Variants in AGAP1 observed in about 807,000 individuals in gnomAD.
AGAP1 encodes arf-GAP with GTPase, ANK repeat and PH domain-containing protein 1.
In AGAP1, 29 loss-of-function variants were observed where a neutral mutation model predicts 105.3. The observed-to-expected ratio is 0.28, with a 90% CI of 0.21 to 0.38. AGAP1 has a LOEUF of 0.38. Among genes scored for constraint, AGAP1 ranks in the 10% least tolerant of loss-of-function variants. The pLI is 1.00. For synonymous variants in AGAP1, 509 were observed against 485.9 expected, an observed-to-expected ratio of 1.05 and a Z score of -0.63; for missense variants, 998 against 1,165.1, an observed-to-expected ratio of 0.86 and a Z score of 2.09.
rs2050362199 is a variant in AGAP1 at position 235,888,230 on chromosome 2, C to T, written c.1155+4781C>T. Among the ~76,000 whole-genome samples the T allele has an allele frequency of 6.6e-6, 1 of 152,076 alleles. No individual in the cohort carries two copies. Among genetic ancestry groups the T allele is most frequent in the Admixed American group, 6.6e-5 (1 of 15,266 alleles). On this transcript the variant is annotated intron_variant, in intron 10 of 17. Coordinates refer to ENST00000304032, the MANE Select transcript of AGAP1 (RefSeq NM_001037131.3). This position sits in a 1 kb window ranked among gnomAD's most constrained non-coding sequence, Gnocchi z 4.8. ...GGGGGAGCGGGTAGTTCAGGAGGAT[C>T]TCAGGATTATTTGTTCTTTAGGATC...
At chr2:235,571,107 A>T (rs1055597378) in intron 1 of AGAP1, among the ~76,000 whole-genome samples, 1 of 152,124 alleles carries the variant, frequency 6.6e-6, no homozygotes, top group African/African-American at 2.4e-5. Flanking sequence ...TGTGCCACAC[A>T]CTTGTAAACA....
intron 6 of AGAP1, among the ~76,000 whole-genome samples, chr2:235,771,485 C>T (rs913290371): frequency 5.9e-5 from 9 of 152,200 alleles, no homozygotes; most frequent in South Asian, 2.1e-4. Flanking sequence ...GCAAAGATGA[C>T]GGGCGTGGCT....
rs530256981 is a variant in AGAP1 at position 236,092,029 on chromosome 2, C to T, written c.2115-28163C>T. On this transcript the variant is annotated intron_variant, in intron 16 of 17. Transcript: ENST00000304032. This position sits in a 1 kb window ranked among gnomAD's most constrained non-coding sequence, Gnocchi z 4.7. ...AAAAAAAGCCTGTCCCAAAAGATTA[C>T]GTGCTGTAGGATTCCATTTATGTAT... 5.3e-5 allele frequency among the ~76,000 whole-genome samples: 8 copies of T among 152,324 alleles called. No individual in the cohort carries two copies. The highest frequency in any genetic ancestry group is 3.3e-4 in the Admixed American group (5 of 15,304).
intron 6 of AGAP1, among the ~76,000 whole-genome samples, chr2:235,773,307 G>A (rs1284021579): frequency 6.6e-6 from 1 of 152,118 alleles, no homozygotes; most frequent in East Asian, 1.9e-4. Context: ...TGGAAGTGAG[G>A]TTACAAAGGT....
chr2:235,601,476 C>T lies in AGAP1; in HGVS notation c.163+106627C>T, dbSNP rs1471243297. ...GGCTGGGGAGGCCTCACAGTCATGG[C>T]GGAAGGTGAATGAGGAGCAAAGTTA... On this transcript the variant is annotated intron_variant, in intron 1 of 17. Coordinates refer to ENST00000304032, the MANE Select transcript of AGAP1 (RefSeq NM_001037131.3). This position sits in a 1 kb window ranked among gnomAD's most constrained non-coding sequence, Gnocchi z 4.4. Among the ~76,000 whole-genome samples, 1 of 152,222 alleles carries T rather than the reference C, an allele frequency of 6.6e-6. No individual in the cohort carries two copies. Among genetic ancestry groups the T allele is most frequent in the African/African-American group, 2.4e-5 (1 of 41,540 alleles).
intron 1 of AGAP1, among the ~76,000 whole-genome samples, chr2:235,618,294 T>C (rs1559292719): frequency 6.6e-6 from 1 of 152,084 alleles, no homozygotes; most frequent in Non-Finnish European, 1.5e-5. Context: ...AAAATTCCAG[T>C]AGGTTTTTGT....
At chr2:235,653,509 C>T (rs1299042260) in intron 1 of AGAP1, among the ~76,000 whole-genome samples, 1 of 146,770 alleles carries the variant, frequency 6.8e-6, no homozygotes, top group African/African-American at 2.6e-5. Flanking sequence ...TATAACATAA[C>T]ATAACATAAC....
Position 235,655,553 on chromosome 2 carries a change from G to T in AGAP1, c.164-53626G>T, listed in dbSNP as rs1220010135. Among the ~76,000 whole-genome samples the T allele has an allele frequency of 6.6e-6, 1 of 152,078 alleles. No individual in the cohort carries two copies. The highest frequency in any genetic ancestry group is 1.5e-5 in the Non-Finnish European group (1 of 68,028). ...AGTATAATACTCCCCACTCCTAGTT[G>T]GGAATATCTAACCTGTGTTGAGTAC... On this transcript the variant is annotated intron_variant, in intron 1 of 17. Transcript: ENST00000304032. The surrounding 1 kb of genome is among the most constrained non-coding windows in gnomAD (Gnocchi z 4.3).
chr2:236,068,766 C>T (rs2125786693), intron 16 of AGAP1, among the ~76,000 whole-genome samples: 1 of 142,196 alleles, frequency 7.0e-6, no homozygotes, highest in South Asian at 2.2e-4. Context: ...CGCCACTGCA[C>T]TCCAGCCTGG....
chr2:236,097,361 T>A (rs895557700), intron 16 of AGAP1, among the ~76,000 whole-genome samples: 2 of 139,014 alleles, frequency 1.4e-5, no homozygotes, highest in South Asian at 4.8e-4. Context: ...ATACATAATA[T>A]AAAATTTGTC....
intron 1 of AGAP1, among the ~76,000 whole-genome samples, chr2:235,514,991 C>T (rs1267533907): frequency 5.9e-5 from 9 of 152,178 alleles, no homozygotes; most frequent in Admixed American, 5.2e-4. Flanking sequence ...GTTGCCATGG[C>T]CACCATTTTG....
chr2:235,980,882 T>C lies in AGAP1; in HGVS notation c.1645+12259T>C, dbSNP rs116608717. ...ACATTTGAAAGGATGGGATTGTTTC[T>C]TACCAAAATGAGGCATGATGTTGCC... On this transcript the variant is annotated intron_variant, in intron 13 of 17. Coordinates refer to ENST00000304032, the MANE Select transcript of AGAP1 (RefSeq NM_001037131.3). Among the ~76,000 whole-genome samples, 448 of 152,326 alleles carry C rather than the reference T, an allele frequency of 2.9e-3. 1 individual carries two copies. Among genetic ancestry groups the C allele is most frequent in the Non-Finnish European group, 4.9e-3 (331 of 68,024 alleles).
At chr2:235,818,432 A>G (rs889638438) in intron 9 of AGAP1, among the ~76,000 whole-genome samples, 2 of 151,736 alleles carry the variant, frequency 1.3e-5, no homozygotes, top group Non-Finnish European at 2.9e-5. Context: ...GCTCACCATG[A>G]CCGTCTTTTT....
At chr2:235,498,435 T>C (rs905619100) in intron 1 of AGAP1, among the ~76,000 whole-genome samples, 3 of 152,168 alleles carry the variant, frequency 2.0e-5, no homozygotes, top group Non-Finnish European at 4.4e-5. Context: ...CACAGCTGTG[T>C]CGTCTCTGGA....
Position 235,888,669 on chromosome 2 carries a change from C to T in AGAP1, c.1155+5220C>T, listed in dbSNP as rs1020904368. 6.6e-6 allele frequency among the ~76,000 whole-genome samples: 1 copy of T among 151,762 alleles called. No individual in the cohort carries two copies. The highest frequency in any genetic ancestry group is 2.1e-4 in the South Asian group (1 of 4,812). On this transcript the variant is annotated intron_variant, in intron 10 of 17. Transcript: ENST00000304032. This position sits in a 1 kb window ranked among gnomAD's most constrained non-coding sequence, Gnocchi z 4.8. ...ACAGTGAGCTATGATCGTGCCACTG[C>T]ACTCCAGCTTGGGCGACCATGCAAG...
At chr2:235,495,539 T>G (rs931025503) in intron 1 of AGAP1, among the ~76,000 whole-genome samples, 4 of 152,182 alleles carry the variant, frequency 2.6e-5, no homozygotes, top group African/African-American at 9.7e-5. Flanking sequence ...ATGTCTGCAG[T>G]TGGAGGCCAC....
At chr2:235,758,270 G>T (rs558060732) in intron 6 of AGAP1, among the ~76,000 whole-genome samples, 2 of 152,210 alleles carry the variant, frequency 1.3e-5, no homozygotes, top group East Asian at 3.9e-4. Flanking sequence ...GTGGATTAAT[G>T]GGTCATTAAT....
At chr2:235,763,151 G>T (rs1485715060) in intron 6 of AGAP1, among the ~76,000 whole-genome samples, 1 of 152,008 alleles carries the variant, frequency 6.6e-6, no homozygotes, top group Non-Finnish European at 1.5e-5. Context: ...CATACACGTG[G>T]AGCATCCCTA....
Position 235,976,948 on chromosome 2 carries a change from A to G in AGAP1, c.1645+8325A>G, listed in dbSNP as rs557679922. Among the ~76,000 whole-genome samples the G allele has an allele frequency of 1.3e-5, 2 of 152,226 alleles. No homozygotes were observed. The highest frequency in any genetic ancestry group is 2.1e-4 in the South Asian group (1 of 4,836). On this transcript the variant is annotated intron_variant, in intron 13 of 17. Transcript: ENST00000304032. This position sits in a 1 kb window ranked among gnomAD's most constrained non-coding sequence, Gnocchi z 4.5. ...GCAACTCCTGACGCCACAGACAAGC[A>G]TTTGAGCTCCTTAGCCTGCTACACA...
Sources: allele counts gnomAD v4.1 joint callset (sites outside exome capture counted in the v4.1 genomes callset), GRCh38; gene constraint gnomAD v4.1.1; non-coding constraint Gnocchi (gnomAD v3.1); transcripts MANE v1.5; gene names NCBI Gene and HGNC (gene_info 2026-07-23, HGNC 2026-07-21).